CERS4: variants seen among roughly 807,000 people sequenced by gnomAD.
The protein encoded by CERS4 is LAG1 homolog, ceramide synthase 4.
Under a neutral mutation model 51.8 loss-of-function variants are expected in CERS4, and 65 were observed. That is an observed-to-expected ratio of 1.26 (90% CI 1.03 to 1.54). CERS4 has a LOEUF of 1.54. Among genes scored for constraint, CERS4 ranks in the 40% most tolerant of loss-of-function variants. The probability of loss-of-function intolerance (pLI) is 0.00; values close to 1 mark genes in which losing one functional copy is unlikely to be tolerated. For synonymous variants in CERS4, 228 were observed against 208.4 expected, an observed-to-expected ratio of 1.09 and a Z score of -0.81; for missense variants, 563 against 500.4, an observed-to-expected ratio of 1.13 and a Z score of -1.19.
chr19:8,213,937 G>A (rs1333049388), intron 2 of CERS4, among the ~76,000 whole-genome samples: 3 of 152,142 alleles, frequency 2.0e-5, no homozygotes, highest in Admixed American at 1.3e-4. Flanking sequence ...CTGCACTACT[G>A]CACTCCAGCC....
intron 2 of CERS4, 35 bp from the exon 3 acceptor site, chr19:8,251,041 C>A: frequency 6.5e-7 from 1 of 1,542,620 alleles, no homozygotes; most frequent in South Asian, 1.3e-5. Context: ...ATTCTGCTTG[C>A]AGACCTCCCA....
At position 8,257,878 on chromosome 19, in the gene CERS4, G is replaced by T. The variant is rs1969479348; in HGVS notation, c.742-1G>T. 6.2e-7 allele frequency: 1 copy of T among 1,613,012 alleles called. No individual in the cohort carries two copies. Reference sequence around the variant, plus strand: ...CCATTTCTCCCTGCTGCCCTTTCCAGGCCTGTAAGATGGTCAACTACATGC... The same window carrying T: ...CCATTTCTCCCTGCTGCCCTTTCCATGCCTGTAAGATGGTCAACTACATGC... On this transcript the variant is annotated splice_acceptor_variant, in intron 9 of 11. Transcript: ENST00000251363. LOFTEE classifies it high-confidence loss of function.
chr19:8,236,522 TACAAAAA>T (rs1968260595), intron 2 of CERS4, among the ~76,000 whole-genome samples: 1 of 148,480 alleles, frequency 6.7e-6, no homozygotes, highest in Non-Finnish European at 1.5e-5. Flanking sequence ...TACAAAAAAG[TACAAAAA>T]TTAGCTGGGT....
chr19:8,226,023 C>G (rs1399354693), intron 2 of CERS4, among the ~76,000 whole-genome samples: 1 of 151,804 alleles, frequency 6.6e-6, no homozygotes, highest in African/African-American at 2.4e-5. Flanking sequence ...TGGTGAAACT[C>G]CGTCTCTACT....
intron 2 of CERS4, chr19:8,222,061 T>G (rs930125321): frequency 6.6e-6 from 1 of 151,042 alleles, no homozygotes; most frequent in African/African-American, 2.4e-5. Flanking sequence ...TTTGTATTTT[T>G]AGTAGAGACG....
Position 8,250,199 on chromosome 19 carries a change from T to A in CERS4, c.-1-877T>A, listed in dbSNP as rs1969005377. Among the ~76,000 whole-genome samples the A allele has an allele frequency of 4.0e-5, 6 of 151,712 alleles. No homozygotes were observed. In the South Asian group the frequency reaches 1.2e-3, roughly 32 times the overall value. ...CATGTTGGCCAGGCTGGTCTCAAAC[T>A]CCTGACCTGAAGTGATCTGCCCACC... On this transcript the variant is annotated intron_variant, in intron 2 of 11. Transcript: ENST00000251363.
In CERS4 at chr19:8,257,863, C is replaced by A; in HGVS notation, c.742-16C>A. The A allele has an allele frequency of 6.2e-7, 1 of 1,607,072 alleles. No individual in the cohort carries two copies. On this transcript the variant is annotated splice_polypyrimidine_tract_variant and intron_variant, in intron 9 of 11. Transcript: ENST00000251363. ...GCCCTGGTCCTGAGCCCATTTCTCC[C>A]TGCTGCCCTTTCCAGGCCTGTAAGA... is the stretch of plus-strand genomic sequence containing the variant.
intron 2 of CERS4, among the ~76,000 whole-genome samples, chr19:8,234,433 G>A (rs1315230500): frequency 1.3e-5 from 2 of 151,986 alleles, no homozygotes; most frequent in African/African-American, 4.8e-5. Flanking sequence ...ACAGGCATGA[G>A]CCACAGCCCC....
intron 10 of CERS4, chr19:8,261,386 T>G (rs1471802360): frequency 2.9e-5 from 11 of 380,404 alleles, no homozygotes; most frequent in South Asian, 1.1e-4. Flanking sequence ...GTCTGAGGAG[T>G]AGAGAGAAGC....
chr19:8,257,416 A>C lies in CERS4; in HGVS notation c.741+339A>C, dbSNP rs139238186. Among the ~76,000 whole-genome samples the C allele has an allele frequency of 2.1e-3, 311 of 150,444 alleles. 1 individual carries two copies. The highest frequency in any genetic ancestry group is 7.2e-3 in the African/African-American group (295 of 40,740). ...CTCCTTGGAGGATAAAGCTACACAC[A>C]TGTGCACACACGCATGTATTCACAT... On this transcript the variant is annotated intron_variant, in intron 9 of 11. Transcript: ENST00000251363.
chr19:8,216,829 G>A (rs372956382), intron 2 of CERS4, among the ~76,000 whole-genome samples: 8 of 152,236 alleles, frequency 5.3e-5, no homozygotes, highest in East Asian at 1.9e-4. Context: ...GGCGGATGGC[G>A]TTGGGGGTAG....
chr19:8,219,774 G>C (rs1305000891), intron 2 of CERS4, among the ~76,000 whole-genome samples: 2 of 151,850 alleles, frequency 1.3e-5, no homozygotes, highest in Non-Finnish European at 2.9e-5. Context: ...AGCTAAGACT[G>C]TGCTTCTGCA....
At position 8,231,851 on chromosome 19, in the gene CERS4, A is replaced by AT. The variant is rs3042169; in HGVS notation, c.-1-19203dup. On this transcript the variant is annotated intron_variant, in intron 2 of 11. Coordinates refer to ENST00000251363, the MANE Select transcript of CERS4 (RefSeq NM_024552.3). ...ACAAGCATGAGGCACTGTGCCCAGC[A>AT]TTTTTTTTTTTTTTTTTTTTTTAGA... Among the ~76,000 whole-genome samples the AT allele has an allele frequency of 1.2e-3, 126 of 104,402 alleles. 5 individuals carry two copies. Among genetic ancestry groups the AT allele is most frequent in the Middle Eastern group, 5.1e-3 (1 of 196 alleles). The allele number at this position is 104,402 out of a possible 152,430, so 68.5% of individuals were successfully genotyped here. A position where few individuals can be genotyped will look rare whatever the true frequency, so the allele number is the denominator to read the frequency against.
intron 4 of CERS4, among the ~76,000 whole-genome samples, chr19:8,254,872 A>C (rs1969292815): frequency 7.2e-6 from 1 of 138,940 alleles, no homozygotes; most frequent in Non-Finnish European, 1.7e-5. Flanking sequence ...CTGGGAGATG[A>C]GGACCCCCCC....
At chr19:8,230,376 G>A (rs1967961142) in intron 2 of CERS4, among the ~76,000 whole-genome samples, 2 of 152,000 alleles carry the variant, frequency 1.3e-5, no homozygotes, top group Middle Eastern at 3.4e-3. Context: ...TTTTATTAGA[G>A]AGAGGGTTTC....
At chr19:8,243,170 G>T (rs1968609381) in intron 2 of CERS4, among the ~76,000 whole-genome samples, 1 of 133,018 alleles carries the variant, frequency 7.5e-6, no homozygotes, top group African/African-American at 2.9e-5. Context: ...CTCCAGTCTG[G>T]GTGACAAAGT....
At position 8,209,945 on chromosome 19, in the gene CERS4, C is replaced by T. The variant is rs117893524; in HGVS notation, c.-159+451C>T. ...AGCCCGAGCTAACCCATCAGGCGGCCGGGGTGAGGTGGAGGTGCCCAGGCG... is the reference window on the plus strand; with the variant it reads ...AGCCCGAGCTAACCCATCAGGCGGCTGGGGTGAGGTGGAGGTGCCCAGGCG... On this transcript the variant is annotated intron_variant, in intron 1 of 11. Coordinates refer to ENST00000251363, the MANE Select transcript of CERS4 (RefSeq NM_024552.3). 1,117 of 152,492 alleles carry T rather than the reference C, an allele frequency of 7.3e-3. 7 individuals are homozygous for T. Among genetic ancestry groups the T allele is most frequent in the Non-Finnish European group, 0.011 (764 of 68,206 alleles). 9.4% of individuals were successfully genotyped at this position (152,492 alleles called of 1,614,324 possible). A position where few individuals can be genotyped will look rare whatever the true frequency, so the allele number is the denominator to read the frequency against.
intron 3 of CERS4, 136 bp downstream of exon 3, chr19:8,251,385 G>A (rs1054304141): frequency 1.4e-6 from 2 of 1,399,176 alleles, no homozygotes; most frequent in Admixed American, 3.2e-5. Context: ...CCTGGCTCCA[G>A]CCTGCCCCCA....
chr19:8,255,074 T>A (rs188007376), intron 4 of CERS4, among the ~76,000 whole-genome samples: 5 of 152,214 alleles, frequency 3.3e-5, no homozygotes, highest in African/African-American at 1.2e-4. Flanking sequence ...CTCCCTCCAT[T>A]CCCGTCTCTG....
Sources: allele counts gnomAD v4.1 joint callset (sites outside exome capture counted in the v4.1 genomes callset), GRCh38; gene constraint gnomAD v4.1.1; transcripts MANE v1.5; gene names NCBI Gene and HGNC (gene_info 2026-07-23, HGNC 2026-07-21).